QRFPR: variants seen among roughly 807,000 people sequenced by gnomAD.
The protein encoded by QRFPR is pyroglutamylated RF-amide peptide receptor.
In QRFPR, 37 loss-of-function variants were observed where a neutral mutation model predicts 31.3. The observed-to-expected ratio is 1.18, with a 90% CI of 0.91 to 1.56. The LOEUF (loss-of-function observed/expected upper bound fraction) is 1.56. QRFPR is among the 40% of genes most tolerant of loss of function. The probability of loss-of-function intolerance (pLI) is 0.00; values close to 1 mark genes in which losing one functional copy is unlikely to be tolerated. For synonymous variants in QRFPR, 197 were observed against 192.0 expected (o/e 1.03, Z -0.22); for missense variants, 542 against 532.5 (o/e 1.02, Z -0.18).
In QRFPR at chr4:121,371,399, T is replaced by G. The variant is rs149248575; in HGVS notation, c.340+8909A>C. Among the ~76,000 whole-genome samples, 1,099 of 152,356 alleles carry G rather than the reference T, an allele frequency of 7.2e-3. 12 individuals are homozygous for G. Among genetic ancestry groups the G allele is most frequent in the African/African-American group, 0.025 (1,042 of 41,580 alleles). On this transcript the variant is annotated intron_variant, in intron 1 of 5. Transcript: ENST00000394427. ...GCACAGACTGAGAGGGAACTGCCAA[T>G]ATCAACTTCTAGAACCCCGTTCACT...
At chr4:121,355,277 T>A (rs1725844676) in intron 1 of QRFPR, among the ~76,000 whole-genome samples, 1 of 152,138 alleles carries the variant, frequency 6.6e-6, no homozygotes, top group Non-Finnish European at 1.5e-5. Context: ...GCTTTTGGAT[T>A]TCTTCATGGT....
intron 1 of QRFPR, among the ~76,000 whole-genome samples, chr4:121,354,252 A>G (rs1417214127): frequency 6.6e-6 from 1 of 152,012 alleles, no homozygotes; most frequent in East Asian, 1.9e-4. Context: ...GAAGAATGCC[A>G]TTGATATTGT....
At chr4:121,343,547 A>G (rs552135630) in intron 1 of QRFPR, among the ~76,000 whole-genome samples, 46 of 152,312 alleles carry the variant, frequency 3.0e-4, no homozygotes, top group Admixed American at 2.2e-3. Context: ...CTGTGTTTGA[A>G]TAGTTACTAT....
chr4:121,352,916 A>C (rs1481721041), intron 1 of QRFPR, among the ~76,000 whole-genome samples: 7 of 151,958 alleles, frequency 4.6e-5, no homozygotes, highest in Non-Finnish European at 1.0e-4. Context: ...CTCTATCTCC[A>C]AAAGTTCATT....
At position 121,378,456 on chromosome 4, in the gene QRFPR, A is replaced by G. The variant is rs945815924; in HGVS notation, c.340+1852T>C. ...GAGACGGAGTCTTGCTCTGTCACCC[A>G]GGTTGGAGTGCAGTAGCGTGATCTC... On this transcript the variant is annotated intron_variant, in intron 1 of 5. Transcript: ENST00000394427. Among the ~76,000 whole-genome samples the G allele has an allele frequency of 4.7e-5, 6 of 126,528 alleles. No homozygotes were observed. The Admixed American group carries it at 6.0e-4, about 13-fold the overall frequency. 83.0% of individuals were successfully genotyped at this position (126,528 alleles called of 152,430 possible).
In QRFPR at chr4:121,329,699, TC is replaced by T. The variant is rs747404302; in HGVS notation, c.910del (p.Glu304AsnfsTer9). The T allele has an allele frequency of 6.5e-7, 1 of 1,534,360 alleles. No individual in the cohort carries two copies. Among genetic ancestry groups the T allele is most frequent in the Non-Finnish European group, 8.8e-7 (1 of 1,140,826 alleles). On this transcript the variant is annotated frameshift_variant, in exon 6 of 6. Coordinates refer to ENST00000394427, the MANE Select transcript of QRFPR (RefSeq NM_198179.3). LOFTEE classifies it low-confidence loss of function (END_TRUNC). ...MMIEYSNFEK[E>X]YDDVTIKMIF... ...CATCTTGATTGTGACATCATCATATTCCTTTTCAAAATTACCTGAAATAAAG... is the reference window on the plus strand; with the variant it reads ...CATCTTGATTGTGACATCATCATATTCTTTTCAAAATTACCTGAAATAAAG...
chr4:121,329,193 CATG>C lies in QRFPR; in HGVS notation c.*118_*120del. ...GCCTCGTGTCATTTTTTAATGGAAACATGATTTGTTTTCTTCTTGTCATCATCT... is the reference window on the plus strand; with the variant it reads ...GCCTCGTGTCATTTTTTAATGGAAACATTTGTTTTCTTCTTGTCATCATCT... On this transcript the variant is annotated 3_prime_UTR_variant, in exon 6 of 6. Coordinates refer to ENST00000394427, the MANE Select transcript of QRFPR (RefSeq NM_198179.3). The C allele has an allele frequency of 1.3e-6, 1 of 778,562 alleles. No individual in the cohort carries two copies. Among genetic ancestry groups the C allele is most frequent in the Non-Finnish European group, 2.0e-6 (1 of 509,926 alleles). 48.2% of individuals were successfully genotyped at this position (778,562 alleles called of 1,614,324 possible).
At chr4:121,373,845 T>C (rs1726299298) in intron 1 of QRFPR, among the ~76,000 whole-genome samples, 1 of 152,250 alleles carries the variant, frequency 6.6e-6, no homozygotes, top group African/African-American at 2.4e-5. Flanking sequence ...TTTCATGTTG[T>C]GTACAGTGAG....
intron 1 of QRFPR, among the ~76,000 whole-genome samples, chr4:121,356,927 G>A (rs1175923688): frequency 6.6e-6 from 1 of 152,004 alleles, no homozygotes; most frequent in Admixed American, 6.6e-5. Flanking sequence ...CTGAGAGGGG[G>A]TCTATTCTTT....
At position 121,332,837 on chromosome 4, in the gene QRFPR, T is replaced by C. The variant is rs745354141; in HGVS notation, c.781A>G (p.Met261Val). The C allele has an allele frequency of 1.2e-6, 2 of 1,613,330 alleles. No individual in the cohort carries two copies. Among genetic ancestry groups the C allele is most frequent in the African/African-American group, 2.7e-5 (2 of 75,050 alleles). Residue 261 changes from methionine (M) to valine (V), a missense_variant, in exon 4 of 6, where the codon ATG becomes GTG. Transcript: ENST00000394427. The stretch of plus-strand genomic sequence containing the variant: ...TAAACAGACCTGGCTATTTTGGACA[T>C]TTCTTTTCCATGAATAGTTCGAAGC... ...SVLRTIHGKE[M>V]SKIARKKKRA...
chr4:121,354,959 A>G (rs1418971459), intron 1 of QRFPR, among the ~76,000 whole-genome samples: 1 of 151,998 alleles, frequency 6.6e-6, no homozygotes, highest in Non-Finnish European at 1.5e-5. Flanking sequence ...GTGTTGTTGA[A>G]TTTGGTTTTC....
At chr4:121,346,912 T>C (rs1325814790) in intron 1 of QRFPR, among the ~76,000 whole-genome samples, 1 of 152,192 alleles carries the variant, frequency 6.6e-6, no homozygotes, top group Non-Finnish European at 1.5e-5. Context: ...TTATACATTG[T>C]TGGATTCTGT....
At chr4:121,343,831 T>C (rs938976430) in intron 1 of QRFPR, among the ~76,000 whole-genome samples, 1 of 152,242 alleles carries the variant, frequency 6.6e-6, no homozygotes, top group African/African-American at 2.4e-5. Flanking sequence ...TATAGTGTTA[T>C]CCATCCTGAA....
chr4:121,376,275 T>C (rs1257982190), intron 1 of QRFPR, among the ~76,000 whole-genome samples: 1 of 152,034 alleles, frequency 6.6e-6, no homozygotes, highest in African/African-American at 2.4e-5. Flanking sequence ...AGAGAGTGAG[T>C]CAACTGGTAG....
chr4:121,340,223 G>T, intron 2 of QRFPR: 2 of 498,768 alleles, frequency 4.0e-6, no homozygotes, highest in Non-Finnish European at 7.2e-6. Flanking sequence ...CGTTTAAGAT[G>T]TAAACTGAAA....
intron 1 of QRFPR, among the ~76,000 whole-genome samples, chr4:121,354,199 T>C (rs1725820345): frequency 6.6e-6 from 1 of 152,136 alleles, no homozygotes; most frequent in Non-Finnish European, 1.5e-5. Context: ...CTGGATCTTT[T>C]GTGGTTCCAT....
chr4:121,370,261 G>A (rs548335843), intron 1 of QRFPR: 16 of 782,892 alleles, frequency 2.0e-5, no homozygotes, highest in Middle Eastern at 3.3e-4. Context: ...CTGAGTGCCC[G>A]GCGGTATATC....
At chr4:121,380,197 GAGAGAGAGAGAGAGAGAGAGAGA>G (rs1726452281) in intron 1 of QRFPR, 88 bp downstream of exon 1, 35 of 440,444 alleles carry the variant, frequency 7.9e-5, no homozygotes, top group African/African-American at 3.3e-4. Flanking sequence ...GAGAGAGAGA[GAGAGAGAGAGAGAGAGAGAGAGA>G]GAGAGAGAGA....
In QRFPR at chr4:121,332,991, C is replaced by T. The variant is rs142777322; in HGVS notation, c.627G>A (p.Val209=). 13 of 1,597,288 alleles carry T rather than the reference C, an allele frequency of 8.1e-6. No individual in the cohort carries two copies. In the East Asian group the frequency reaches 1.1e-4, roughly 14 times the overall value. The part of the protein sequence containing the change: ...ICCLEEWTSP[V]HQKIYTTFIL... Reference sequence around the variant, plus strand: ...TGAAGGTGGTGTAGATCTTCTGGTGCACAGGGCTGGTCCACTCTTCTAAGC... The same window carrying T: ...TGAAGGTGGTGTAGATCTTCTGGTGTACAGGGCTGGTCCACTCTTCTAAGC... The change falls in exon 4 of 6, where the codon GTG becomes GTA. Residue 209 remains valine, a synonymous_variant. Transcript: ENST00000394427.
Sources: allele counts gnomAD v4.1 joint callset (sites outside exome capture counted in the v4.1 genomes callset), GRCh38; gene constraint gnomAD v4.1.1; transcripts MANE v1.5; gene names NCBI Gene and HGNC (gene_info 2026-07-23, HGNC 2026-07-21).